CCDC159: variants seen among roughly 807,000 people sequenced by gnomAD.
CCDC159 encodes the protein coiled-coil domain-containing protein 159.
CCDC159 carries 40 observed loss-of-function variants against 50.9 expected under a neutral mutation model. That is an observed-to-expected ratio of 0.79 (90% CI 0.61 to 1.02). The LOEUF (loss-of-function observed/expected upper bound fraction) is 1.02. CCDC159 is among the 50% of genes least tolerant of loss of function. The pLI is 0.00. For synonymous variants in CCDC159, 146 were observed against 138.9 expected, an observed-to-expected ratio of 1.05 and a Z score of -0.36; for missense variants, 356 against 371.5, an observed-to-expected ratio of 0.96 and a Z score of 0.34.
chr19:11,349,741 C>A, intron 2 of CCDC159, 54 bp downstream of exon 2: 2 of 1,401,086 alleles, frequency 1.4e-6, no homozygotes, highest in Non-Finnish European at 2.0e-6. Context: ...CTGGTTTCTA[C>A]CTCTACCCTC....
chr19:11,353,988 C>T (rs1967737570), intron 9 of CCDC159, 114 bp downstream of exon 9: 1 of 804,660 alleles, frequency 1.2e-6, no homozygotes, highest in Non-Finnish European at 2.0e-6. Context: ...ATTCTATGGT[C>T]ACATTAAGTA....
intron 1 of CCDC159, chr19:11,348,275 A>C: frequency 2.5e-6 from 1 of 394,478 alleles, no homozygotes; most frequent in South Asian, 1.8e-5. Flanking sequence ...TGGGGCTGGG[A>C]TAATCTTTTT....
At chr19:11,351,444 C>G (rs986297652) in intron 5 of CCDC159, 1 of 170,504 alleles carries the variant, frequency 5.9e-6, no homozygotes, top group African/African-American at 2.5e-5. Flanking sequence ...CAGAGCGAGA[C>G]TCTGTCTAAA....
intron 1 of CCDC159, among the ~76,000 whole-genome samples, chr19:11,348,304 T>G (rs948752549): frequency 6.6e-6 from 1 of 152,158 alleles, no homozygotes; most frequent in Non-Finnish European, 1.5e-5. Context: ...TTTTTTATTT[T>G]TGGAGACTGA....
chr19:11,351,075 A>T, intron 5 of CCDC159, 72 bp downstream of exon 5: 100 of 1,210,874 alleles, frequency 8.3e-5, no homozygotes, highest in Middle Eastern at 2.1e-4. Context: ...GAATGGAGGC[A>T]GGATGGGGGA....
At chr19:11,351,465 T>G (rs1268795413) in intron 5 of CCDC159, 158 of 104,294 alleles carry the variant, frequency 1.5e-3, no homozygotes, top group Middle Eastern at 4.6e-3. Flanking sequence ...AAAAAAAAAA[T>G]GAGGAGGGGA....
chr19:11,351,451 TAA>T (rs1177117649), intron 5 of CCDC159: 87 of 86,108 alleles, frequency 1.0e-3, no homozygotes, highest in Admixed American at 2.7e-3. Context: ...AGACTCTGTC[TAA>T]AAAAAAAAAA....
intron 8 of CCDC159, 25 bp from the exon 9 acceptor site, chr19:11,353,767 C>G (rs1215450159): frequency 1.3e-6 from 2 of 1,577,258 alleles, no homozygotes; most frequent in Non-Finnish European, 1.7e-6. Flanking sequence ...TCTCCCAGCG[C>G]CCCCAGCTCC....
chr19:11,348,024 T>G (rs1599377876), intron 1 of CCDC159: 2 of 428,186 alleles, frequency 4.7e-6, no homozygotes, highest in Non-Finnish European at 9.3e-6. Flanking sequence ...CGTCAATGCC[T>G]TACTGGAGCT....
In CCDC159 at chr19:11,346,742, G is replaced by A. The variant is rs562573844; in HGVS notation, c.21+115G>A. On this transcript the variant is annotated intron_variant, in intron 1 of 10. Transcript: ENST00000458408. Reference sequence around the variant, plus strand: ...AAATAATTCTCCCGGGAGGGACACGGAAGCAGCAACCGGGATGGGACGGGG... The same window carrying A: ...AAATAATTCTCCCGGGAGGGACACGAAAGCAGCAACCGGGATGGGACGGGG... 7.2e-6 allele frequency: 9 copies of A among 1,247,080 alleles called. No homozygotes were observed. In the South Asian group the frequency reaches 1.2e-4, roughly 16 times the overall value. 77.3% of individuals were successfully genotyped at this position (1,247,080 alleles called of 1,614,324 possible).
intron 1 of CCDC159, 92 bp from the exon 2 acceptor site, chr19:11,349,562 C>T: frequency 6.5e-7 from 1 of 1,547,648 alleles, no homozygotes; most frequent in Non-Finnish European, 8.8e-7. Flanking sequence ...TGAGGAGATC[C>T]AACTCTTGTC....
At position 11,354,702 on chromosome 19, in the gene CCDC159, G is replaced by T; in HGVS notation, c.889+6G>T. On this transcript the variant is annotated splice_donor_region_variant and intron_variant, in intron 10 of 10. Coordinates refer to ENST00000458408, the MANE Select transcript of CCDC159 (RefSeq NM_001080503.3). ...CGGCCGCTCCTTCCCACCCGGTGCAGATCCTCCCCAGTCCCCCCCTCCACC... is the reference window on the plus strand; with the variant it reads ...CGGCCGCTCCTTCCCACCCGGTGCATATCCTCCCCAGTCCCCCCCTCCACC... 6.2e-7 allele frequency: 1 copy of T among 1,607,004 alleles called. No homozygotes were observed.
At chr19:11,351,712 G>T in intron 5 of CCDC159, 194 bp from the exon 6 acceptor site, 1 of 563,456 alleles carries the variant, frequency 1.8e-6, no homozygotes, top group South Asian at 2.1e-5. Context: ...GGGAGAGACT[G>T]AGAGAATGGG....
chr19:11,350,273 G>T, intron 4 of CCDC159, 74 bp downstream of exon 4: 1 of 1,354,676 alleles, frequency 7.4e-7, no homozygotes, highest in Non-Finnish European at 1.0e-6. Flanking sequence ...CAGCATTTGG[G>T]GAGGCCAAAG....
Position 11,349,686 on chromosome 19 carries a change from AG to A in CCDC159, c.55+1del, listed in dbSNP as rs1458141707. Reference sequence around the variant, plus strand: ...TGGAGACCAGCTCTTCCAAAGTCAAAGGTGAGAAATCTCCTTTCCAACAAAA... The same window carrying A: ...TGGAGACCAGCTCTTCCAAAGTCAAAGTGAGAAATCTCCTTTCCAACAAAA... Reference protein sequence around the residue: ...PLETSSSKVKAKTIVMIPDSQ... With the variant: ...PLETSSSKVKXKTIVMIPDSQ... On this transcript the variant is annotated frameshift_variant and splice_region_variant, in exon 2 of 11. Transcript: ENST00000458408. LOFTEE classifies it high-confidence loss of function. 1.2e-6 allele frequency: 2 copies of A among 1,605,708 alleles called. No homozygotes were observed. Among genetic ancestry groups the A allele is most frequent in the Non-Finnish European group, 8.5e-7 (1 of 1,173,086 alleles).
intron 1 of CCDC159, 127 bp downstream of exon 1, chr19:11,346,754 G>C: frequency 2.8e-6 from 3 of 1,068,808 alleles, no homozygotes; most frequent in Non-Finnish European, 4.1e-6. Context: ...AGCAGCAACC[G>C]GGATGGGACG....
At position 11,347,094 on chromosome 19, in the gene CCDC159, C is replaced by G. The variant is rs74179987; in HGVS notation, c.21+467C>G. Among the ~76,000 whole-genome samples the G allele has an allele frequency of 2.8e-3, 430 of 152,056 alleles. 2 individuals are homozygous for G. Among genetic ancestry groups the G allele is most frequent in the Middle Eastern group, 0.01 (3 of 294 alleles). ...CCCAGGCCATCTAGCTGGAGAGTTT[C>G]CCTGCTTAACCGTCATACTCTGCTG... On this transcript the variant is annotated intron_variant, in intron 1 of 10. Transcript: ENST00000458408.
intron 5 of CCDC159, 63 bp from the exon 6 acceptor site, chr19:11,351,843 T>C: frequency 1.4e-6 from 2 of 1,449,888 alleles, no homozygotes; most frequent in Admixed American, 2.0e-5. Context: ...GAGGCACAGA[T>C]AGGGGCATGG....
intron 4 of CCDC159, 122 bp downstream of exon 4, chr19:11,350,321 C>G: frequency 2.9e-6 from 2 of 689,834 alleles, no homozygotes; most frequent in Admixed American, 5.3e-5. Context: ...TGAGACCAGC[C>G]TGGACAACAT....
Sources: allele counts gnomAD v4.1 joint callset (sites outside exome capture counted in the v4.1 genomes callset), GRCh38; gene constraint gnomAD v4.1.1; transcripts MANE v1.5; gene names NCBI Gene and HGNC (gene_info 2026-07-23, HGNC 2026-07-21).